Variants in PLCXD3 observed in about 807,000 individuals in gnomAD.
PLCXD3 encodes the protein PI-PLC X domain-containing protein 3.
In PLCXD3, 19 loss-of-function variants were observed where a neutral mutation model predicts 25.5. The observed-to-expected ratio is 0.75, with a 90% CI of 0.52 to 1.09. The LOEUF is 1.09. Among genes scored for constraint, PLCXD3 ranks in the 50% least tolerant of loss-of-function variants. The probability of loss-of-function intolerance (pLI) is 0.00; values close to 1 mark genes in which losing one functional copy is unlikely to be tolerated. For synonymous variants in PLCXD3, 174 were observed against 137.6 expected (o/e 1.26, Z -1.85); for missense variants, 411 against 388.1 (o/e 1.06, Z -0.50).
chr5:41,359,258 T>C (rs1744706823), intron 2 of PLCXD3, among the ~76,000 whole-genome samples: 1 of 152,218 alleles, frequency 6.6e-6, no homozygotes, highest in African/African-American at 2.4e-5. Flanking sequence ...ATTCCCTCTT[T>C]CTCTATCTTT....
intron 1 of PLCXD3, among the ~76,000 whole-genome samples, chr5:41,425,712 C>T (rs2150507195): frequency 6.6e-6 from 1 of 152,284 alleles, no homozygotes; most frequent in African/African-American, 2.4e-5. Flanking sequence ...TAGAATGTCA[C>T]ATAGTTGGAA....
chr5:41,465,351 G>GGCTT (rs1747989333), intron 1 of PLCXD3, among the ~76,000 whole-genome samples: 1 of 7,224 alleles, frequency 1.4e-4, no homozygotes, highest in Non-Finnish European at 2.5e-4. Flanking sequence ...ACTAGTTCTT[G>GGCTT]TCTTTTTTTT....
At chr5:41,455,208 C>A (rs1230511441) in intron 1 of PLCXD3, among the ~76,000 whole-genome samples, 1 of 151,952 alleles carries the variant, frequency 6.6e-6, no homozygotes, top group Non-Finnish European at 1.5e-5. Flanking sequence ...TGATTTTAGA[C>A]TTCAGGCTTC....
chr5:41,368,995 C>G lies in PLCXD3; in HGVS notation c.812+12831G>C, dbSNP rs562012216. ...TCCATCTTTATTACTTGTAAGAGTT[C>G]TCAGCCATATTGTGTTTGGGGTCTT... On this transcript the variant is annotated intron_variant, in intron 2 of 2. Transcript: ENST00000377801. Among the ~76,000 whole-genome samples the G allele has an allele frequency of 5.9e-5, 9 of 152,220 alleles. No homozygotes were observed. In the Middle Eastern group the frequency reaches 0.024, roughly 403 times the overall value.
chr5:41,389,204 G>A (rs1745733475), intron 1 of PLCXD3, among the ~76,000 whole-genome samples: 1 of 151,940 alleles, frequency 6.6e-6, no homozygotes, highest in South Asian at 2.1e-4. Flanking sequence ...GAGATATAGA[G>A]CATCTCTGTG....
At chr5:41,438,977 CTGT>C (rs1176288827) in intron 1 of PLCXD3, among the ~76,000 whole-genome samples, 3 of 152,222 alleles carry the variant, frequency 2.0e-5, no homozygotes, top group African/African-American at 7.2e-5. Flanking sequence ...ATTTCAAGAC[CTGT>C]TGTTTGTTTT....
intron 2 of PLCXD3, among the ~76,000 whole-genome samples, chr5:41,368,510 A>G (rs1561248013): frequency 6.6e-6 from 1 of 152,152 alleles, no homozygotes; most frequent in Non-Finnish European, 1.5e-5. Flanking sequence ...CTCTCTTCCT[A>G]TTCGTATACG....
chr5:41,388,595 C>T (rs979213299), intron 1 of PLCXD3, among the ~76,000 whole-genome samples: 1 of 151,830 alleles, frequency 6.6e-6, no homozygotes, highest in Admixed American at 6.6e-5. Flanking sequence ...CCAAGCACTC[C>T]CAAAATAGAC....
At chr5:41,497,779 C>T (rs1748872362) in intron 1 of PLCXD3, among the ~76,000 whole-genome samples, 1 of 151,698 alleles carries the variant, frequency 6.6e-6, no homozygotes, top group South Asian at 2.1e-4. Context: ...ACACGATAGG[C>T]CCCAAAACAA....
At chr5:41,504,927 A>G (rs1219169359) in intron 1 of PLCXD3, among the ~76,000 whole-genome samples, 2 of 152,324 alleles carry the variant, frequency 1.3e-5, no homozygotes, top group East Asian at 1.9e-4. Flanking sequence ...CTCTGATTTT[A>G]CTTTTGGACT....
intron 1 of PLCXD3, among the ~76,000 whole-genome samples, chr5:41,462,884 C>T (rs1747925616): frequency 6.6e-6 from 1 of 151,908 alleles, no homozygotes; most frequent in South Asian, 2.1e-4. Flanking sequence ...TCTTGGCCAA[C>T]CTAGAATTAT....
In PLCXD3 at chr5:41,396,133, C is replaced by T. The variant is rs140458544; in HGVS notation, c.104-13599G>A. Among the ~76,000 whole-genome samples the T allele has an allele frequency of 4.4e-3, 669 of 152,204 alleles. 7 individuals carry two copies. The highest frequency in any genetic ancestry group is 0.015 in the African/African-American group (626 of 41,512). ...ACAATAGATTAGAAAGATCATTCAC[C>T]GTGACTGAAATGGTTTGGCTGTGTC... is the stretch of plus-strand genomic sequence containing the variant. On this transcript the variant is annotated intron_variant, in intron 1 of 2. Transcript: ENST00000377801.
intron 2 of PLCXD3, among the ~76,000 whole-genome samples, chr5:41,356,668 A>G (rs749601952): frequency 3.3e-5 from 5 of 152,248 alleles, no homozygotes; most frequent in Non-Finnish European, 5.9e-5. Context: ...AGAATATCAT[A>G]TCTGAACAAA....
rs1323537099 is a variant in PLCXD3 at position 41,309,370 on chromosome 5, A to G, written c.*4247T>C. On this transcript the variant is annotated 3_prime_UTR_variant, in exon 3 of 3. Transcript: ENST00000377801. ...TTATGGCAGATATAGCATTTACACC[A>G]TAGTGTCACTGAAATCTAGCTGAAA... 1.3e-5 allele frequency: 2 copies of G among 152,626 alleles called. No individual in the cohort carries two copies. Among genetic ancestry groups the G allele is most frequent in the Non-Finnish European group, 2.9e-5 (2 of 68,020 alleles). 9.5% of individuals were successfully genotyped at this position (152,626 alleles called of 1,614,324 possible).
chr5:41,508,659 T>G (rs1273638917), intron 1 of PLCXD3, among the ~76,000 whole-genome samples: 1 of 152,222 alleles, frequency 6.6e-6, no homozygotes, highest in Non-Finnish European at 1.5e-5. Flanking sequence ...TAAACAAACA[T>G]AGGCTTTTAA....
intron 1 of PLCXD3, among the ~76,000 whole-genome samples, chr5:41,448,522 T>C (rs903867556): frequency 1.3e-5 from 2 of 152,224 alleles, no homozygotes; most frequent in Non-Finnish European, 2.9e-5. Flanking sequence ...TAAAATCATA[T>C]AGAACTAGCA....
intron 1 of PLCXD3, among the ~76,000 whole-genome samples, chr5:41,444,453 G>A (rs1023318669): frequency 1.3e-5 from 2 of 152,140 alleles, no homozygotes; most frequent in Admixed American, 6.5e-5. Context: ...TACCTGGGCA[G>A]TAACATCAAC....
At chr5:41,341,681 G>C (rs1354006577) in intron 2 of PLCXD3, among the ~76,000 whole-genome samples, 1 of 152,050 alleles carries the variant, frequency 6.6e-6, no homozygotes, top group Non-Finnish European at 1.5e-5. Context: ...AGGCCATAAA[G>C]GGTGGGTGGT....
chr5:41,467,673 G>T (rs1748048762), intron 1 of PLCXD3, among the ~76,000 whole-genome samples: 1 of 152,044 alleles, frequency 6.6e-6, no homozygotes, highest in South Asian at 2.1e-4. Flanking sequence ...GTTTTCTTCT[G>T]GTAGCTTTAC....
Sources: gnomAD v4.1 joint callset for allele counts (sites outside exome capture counted in the v4.1 genomes callset) on GRCh38, gnomAD v4.1.1 for gene constraint, MANE v1.5 for transcripts, NCBI Gene and HGNC (gene_info 2026-07-23, HGNC 2026-07-21) for gene names.